WWOX: variants seen among roughly 807,000 people sequenced by gnomAD.
WWOX encodes the protein WW domain containing oxidoreductase, also known as WW domain-containing oxidoreductase.
In WWOX, 69 loss-of-function variants were observed where a neutral mutation model predicts 46.2. That is an observed-to-expected ratio of 1.49 (90% CI 1.23 to 1.82). The LOEUF is 1.82. WWOX is among the 40% of genes most tolerant of loss of function. WWOX has a pLI of 0.00. For synonymous variants in WWOX, 359 were observed against 202.6 expected (o/e 1.77, Z -6.56); for missense variants, 919 against 542.6 (o/e 1.69, Z -6.89).
chr16:78,365,455 TC>T (rs1428897769), intron 5 of WWOX, among the ~76,000 whole-genome samples: 1 of 152,196 alleles, frequency 6.6e-6, no homozygotes, highest in South Asian at 2.1e-4. Flanking sequence ...AAACTGTGGT[TC>T]CCAACAAGGC....
intron 8 of WWOX, among the ~76,000 whole-genome samples, chr16:78,795,090 G>C (rs1437097173): frequency 1.3e-5 from 2 of 152,130 alleles, no homozygotes; most frequent in Admixed American, 1.3e-4. Context: ...TCCTGTTTTC[G>C]AGGGTGGTGT....
chr16:79,087,665 T>G (rs1244973963), intron 8 of WWOX, among the ~76,000 whole-genome samples: 3 of 152,228 alleles, frequency 2.0e-5, no homozygotes, highest in African/African-American at 7.2e-5. Flanking sequence ...GGCAACACCC[T>G]AGATCGTTGC....
chr16:78,477,150 T>C (rs927875730), intron 8 of WWOX, among the ~76,000 whole-genome samples: 1 of 152,184 alleles, frequency 6.6e-6, no homozygotes, highest in African/African-American at 2.4e-5. Context: ...ACAATCTAAA[T>C]ATTGCTTTTA....
chr16:78,767,977 G>C (rs558900954), intron 8 of WWOX, among the ~76,000 whole-genome samples: 1 of 152,166 alleles, frequency 6.6e-6, no homozygotes, highest in South Asian at 2.1e-4. Flanking sequence ...TTCTAGTACT[G>C]TTTAGAAGTT....
At chr16:78,968,814 A>G (rs1203224113) in intron 8 of WWOX, among the ~76,000 whole-genome samples, 1 of 152,150 alleles carries the variant, frequency 6.6e-6, no homozygotes, top group African/African-American at 2.4e-5. Flanking sequence ...TATTATGTTC[A>G]ATTGGATTGG....
chr16:78,144,468 C>CGT (rs1567596369), intron 4 of WWOX, among the ~76,000 whole-genome samples: 19 of 14,472 alleles, frequency 1.3e-3, no homozygotes, highest in African/African-American at 2.9e-3. Flanking sequence ...TATATACACA[C>CGT]ATATATATAT....
At chr16:78,374,697 C>T (rs984501234) in intron 5 of WWOX, among the ~76,000 whole-genome samples, 35 of 151,802 alleles carry the variant, frequency 2.3e-4, no homozygotes, top group Non-Finnish European at 4.0e-4. Context: ...TACAGGTGCC[C>T]GCCACCAGGC....
chr16:78,333,119 C>T (rs912887706), intron 5 of WWOX, among the ~76,000 whole-genome samples: 11 of 131,828 alleles, frequency 8.3e-5, no homozygotes, highest in Middle Eastern at 0.011. Flanking sequence ...GGTGTGATCT[C>T]GGCACACTGC....
chr16:78,319,560 C>G lies in WWOX; in HGVS notation c.517-67300C>G, dbSNP rs778770305. On this transcript the variant is annotated intron_variant, in intron 5 of 8. Coordinates refer to ENST00000566780, the MANE Select transcript of WWOX (RefSeq NM_016373.4). ...TACAGGACCCTGCTGATGTCTTAAT[C>G]TTAGCCCCTTCAGATCCCAGTTGGT... is the stretch of plus-strand genomic sequence containing the variant. Among the ~76,000 whole-genome samples, 8 of 152,290 alleles carry G rather than the reference C, an allele frequency of 5.3e-5. No homozygotes were observed. The East Asian group carries it at 1.4e-3, about 26-fold the overall frequency.
chr16:78,385,049 G>A (rs778106010), intron 5 of WWOX, among the ~76,000 whole-genome samples: 2 of 151,892 alleles, frequency 1.3e-5, no homozygotes, highest in Admixed American at 6.6e-5. Flanking sequence ...CAGGAGAATC[G>A]CTTGAGCCCA....
chr16:79,203,223 A>G (rs151241688), intron 8 of WWOX: 5 of 152,324 alleles, frequency 3.3e-5, no homozygotes, highest in African/African-American at 1.2e-4. Flanking sequence ...TTATGGAAGT[A>G]ATATAAATGA....
intron 5 of WWOX, among the ~76,000 whole-genome samples, chr16:78,369,482 G>A (rs889237141): frequency 6.6e-6 from 1 of 152,170 alleles, no homozygotes; most frequent in African/African-American, 2.4e-5. Context: ...CAACTGGTAG[G>A]GTCGAGTCTC....
chr16:78,520,413 G>A (rs1030994469), intron 8 of WWOX, among the ~76,000 whole-genome samples: 2 of 152,148 alleles, frequency 1.3e-5, no homozygotes, highest in African/African-American at 2.4e-5. Context: ...TTTCGTTTTC[G>A]AGGCTGGAAA....
chr16:78,212,359 A>T (rs2036586156), intron 5 of WWOX, among the ~76,000 whole-genome samples: 1 of 152,232 alleles, frequency 6.6e-6, no homozygotes, highest in Non-Finnish European at 1.5e-5. Context: ...CCATCCCCAA[A>T]TTCAAAAGGA....
At chr16:78,566,130 G>A (rs1319382338) in intron 8 of WWOX, among the ~76,000 whole-genome samples, 1 of 152,028 alleles carries the variant, frequency 6.6e-6, no homozygotes, top group Non-Finnish European at 1.5e-5. Flanking sequence ...TCCTCTCATG[G>A]CAGAGAGAGG....
intron 8 of WWOX, among the ~76,000 whole-genome samples, chr16:78,925,970 G>C (rs2045487743): frequency 6.6e-6 from 1 of 152,190 alleles, no homozygotes; most frequent in Non-Finnish European, 1.5e-5. Flanking sequence ...TGAACCAAGA[G>C]GGCAGGGAGA....
At chr16:78,785,812 A>C (rs955276077) in intron 8 of WWOX, among the ~76,000 whole-genome samples, 1 of 152,228 alleles carries the variant, frequency 6.6e-6, no homozygotes, top group Non-Finnish European at 1.5e-5. Flanking sequence ...ATGGTTTTAA[A>C]ATACCAAAAA....
At chr16:78,316,155 G>A (rs907354781) in intron 5 of WWOX, among the ~76,000 whole-genome samples, 26 of 152,182 alleles carry the variant, frequency 1.7e-4, no homozygotes, top group African/African-American at 6.3e-4. Context: ...TGGGTCAGGA[G>A]AATCGCCTTG....
At chr16:79,067,155 T>G (rs1026405553) in intron 8 of WWOX, among the ~76,000 whole-genome samples, 1 of 152,178 alleles carries the variant, frequency 6.6e-6, no homozygotes, top group African/African-American at 2.4e-5. Flanking sequence ...GGCTCCAGCT[T>G]TCATAGGGCC....
Sources: gnomAD v4.1 joint callset for allele counts (sites outside exome capture counted in the v4.1 genomes callset) on GRCh38, gnomAD v4.1.1 for gene constraint, MANE v1.5 for transcripts, NCBI Gene and HGNC (gene_info 2026-07-23, HGNC 2026-07-21) for gene names.